The following TENM3 variants were observed in gnomAD, a reference collection of about 807,000 sequenced individuals.
TENM3 encodes the protein teneurin transmembrane protein 3.
Under a neutral mutation model 255.1 loss-of-function variants are expected in TENM3, and 63 were observed. The ratio of observed to expected loss-of-function variants is 0.25; its 90% CI spans 0.20 to 0.30. The LOEUF is 0.30. TENM3 is among the 10% of genes least tolerant of loss of function. The probability of loss-of-function intolerance (pLI) is 1.00; values close to 1 mark genes in which losing one functional copy is unlikely to be tolerated. For missense variants in TENM3, 2,929 were observed against 3,461.1 expected (o/e 0.85, Z 3.86); for synonymous variants, 1,306 against 1,322.3 (o/e 0.99, Z 0.27).
chr4:181,726,174 G>C, the TENM3 span, among the ~76,000 whole-genome samples: 1 of 151,830 alleles, frequency 6.6e-6, no homozygotes, highest in African/African-American at 2.4e-5. Context: ...AGAATACAAA[G>C]ATTATTTCAA....
At chr4:182,539,468 G>A (rs1469039943) in intron 3 of TENM3, among the ~76,000 whole-genome samples, 2 of 152,016 alleles carry the variant, frequency 1.3e-5, no homozygotes, top group African/African-American at 4.8e-5. Flanking sequence ...GCTATGAATA[G>A]GAATGAGAGG....
the TENM3 span, among the ~76,000 whole-genome samples, chr4:181,801,651 AATATATATATATATATATAT>A: frequency 0.32 from 26,126 of 80,954 alleles, 3,430 homozygotes; most frequent in East Asian, 0.58. Flanking sequence ...AGAATTGTAA[AATATATATATATATATATAT>A]ATATATATAT....
At chr4:181,792,263 T>A in the TENM3 span, among the ~76,000 whole-genome samples, 1,134 of 152,362 alleles carry the variant, frequency 7.4e-3, 12 homozygotes, top group African/African-American at 0.026. Context: ...TCTCGACTGC[T>A]TGTAAATAGG....
chr4:181,586,835 G>C, the TENM3 span, among the ~76,000 whole-genome samples: 1 of 151,346 alleles, frequency 6.6e-6, no homozygotes, highest in Non-Finnish European at 1.5e-5. Context: ...TTGAGACTCT[G>C]TCTCAAAAAC....
chr4:181,845,827 G>A, the TENM3 span, among the ~76,000 whole-genome samples: 3 of 152,178 alleles, frequency 2.0e-5, no homozygotes, highest in Non-Finnish European at 4.4e-5. Context: ...GGTTACAGCG[G>A]GTGTTCCTGA....
the TENM3 span, among the ~76,000 whole-genome samples, chr4:181,470,108 T>TA: frequency 0.02 from 2,262 of 112,730 alleles, 75 homozygotes; most frequent in East Asian, 0.13. Flanking sequence ...ATAGCTTCTG[T>TA]AAAAAAAAAA....
intron 1 of TENM3, among the ~76,000 whole-genome samples, chr4:182,295,987 T>C (rs1268627539): frequency 6.6e-6 from 1 of 152,210 alleles, no homozygotes; most frequent in Non-Finnish European, 1.5e-5. Flanking sequence ...GTTTCACTCT[T>C]GTTGCCCAAG....
At chr4:181,699,281 A>G in the TENM3 span, among the ~76,000 whole-genome samples, 1 of 151,760 alleles carries the variant, frequency 6.6e-6, no homozygotes, top group Non-Finnish European at 1.5e-5. Flanking sequence ...AAATACAAAA[A>G]TTAGCCAGGC....
the TENM3 span, among the ~76,000 whole-genome samples, chr4:182,123,526 A>G: frequency 2.6e-5 from 4 of 152,172 alleles, no homozygotes; most frequent in African/African-American, 9.7e-5. Flanking sequence ...GCCTGAGGAG[A>G]GGGAGAGAGA....
intron 4 of TENM3, among the ~76,000 whole-genome samples, chr4:182,609,841 G>T (rs1440450176): frequency 2.0e-5 from 3 of 152,210 alleles, no homozygotes; most frequent in African/African-American, 7.2e-5. Flanking sequence ...AAGATGTCAT[G>T]TGAAGTACCT....
Position 182,799,732 on chromosome 4 carries a change from C to A in TENM3, c.7481C>A (p.Ser2494Ter). ...QSWLWFATVK[S>*]LIGKGVMLAV... is the part of the protein sequence containing the mutation. ...TGGCTGTGGTTCGCCACGGTCAAGT[C>A]GCTGATCGGCAAGGGCGTCATGCTG... Residue 2494 changes from serine (S) to a stop codon, truncating the protein, a stop_gained, in exon 28 of 28, where the codon TCG becomes TAG. Transcript: ENST00000511685. LOFTEE classifies it high-confidence loss of function. The surrounding 1 kb of genome is among the most constrained non-coding windows in gnomAD (Gnocchi z 4.2). 1 of 1,556,524 alleles carries A rather than the reference C, an allele frequency of 6.4e-7. No individual in the cohort carries two copies. The highest frequency in any genetic ancestry group is 8.7e-7 in the Non-Finnish European group (1 of 1,150,984).
the TENM3 span, among the ~76,000 whole-genome samples, chr4:182,084,341 G>A: frequency 2.4e-3 from 367 of 152,272 alleles, 1 homozygote; most frequent in Non-Finnish European, 4.6e-3. Context: ...GTTCACTGTT[G>A]ACATCACTTT....
chr4:182,352,906 G>A (rs1276584537), intron 3 of TENM3, among the ~76,000 whole-genome samples: 1 of 152,046 alleles, frequency 6.6e-6, no homozygotes, highest in Admixed American at 6.6e-5. Context: ...ATCTGGAAAG[G>A]AGGGCAGTGC....
chr4:181,616,369 G>A, the TENM3 span, among the ~76,000 whole-genome samples: 51 of 131,570 alleles, frequency 3.9e-4, no homozygotes, highest in Non-Finnish European at 7.7e-4. Context: ...ATATCAATAG[G>A]ATATATATAT....
chr4:181,546,731 AAG>A, the TENM3 span, among the ~76,000 whole-genome samples: 7,363 of 59,204 alleles, frequency 0.12, 334 homozygotes, highest in South Asian at 0.23. Context: ...AAAAAAAAAG[AAG>A]AAGAAGAAGA....
chr4:181,724,230 GT>G, the TENM3 span, among the ~76,000 whole-genome samples: 1 of 152,164 alleles, frequency 6.6e-6, no homozygotes. Context: ...ATTCAGGGAT[GT>G]TGCATCTTCT....
chr4:181,972,157 C>A, the TENM3 span, among the ~76,000 whole-genome samples: 3 of 151,982 alleles, frequency 2.0e-5, no homozygotes, highest in African/African-American at 4.8e-5. Context: ...TGTGGTGACT[C>A]ACATCTGCAA....
chr4:182,588,256 GTGTCTCCTGTTTCCTTT>G (rs1163605186), intron 3 of TENM3, among the ~76,000 whole-genome samples: 19 of 152,132 alleles, frequency 1.2e-4, no homozygotes, highest in Admixed American at 2.6e-4. Flanking sequence ...GCTCAGTCCT[GTGTCTCCTGTTTCCTTT>G]TGTAGTACTC....
At chr4:181,695,751 A>C in the TENM3 span, among the ~76,000 whole-genome samples, 1 of 152,200 alleles carries the variant, frequency 6.6e-6, no homozygotes, top group Non-Finnish European at 1.5e-5. Flanking sequence ...GTACTTCGTT[A>C]AGCAGAGCCG....
Sources: allele counts gnomAD v4.1 joint callset (sites outside exome capture counted in the v4.1 genomes callset), GRCh38; gene constraint gnomAD v4.1.1; non-coding constraint Gnocchi (gnomAD v3.1); transcripts MANE v1.5; gene names NCBI Gene and HGNC (gene_info 2026-07-23, HGNC 2026-07-21).